FHL5: variants seen among roughly 807,000 people sequenced by gnomAD.
The protein encoded by FHL5 is four and a half LIM domains 5, also known as four and a half LIM domains protein 5.
In FHL5, 33 loss-of-function variants were observed where a neutral mutation model predicts 32.0. The ratio of observed to expected loss-of-function variants is 1.03; its 90% CI spans 0.78 to 1.38. The LOEUF (loss-of-function observed/expected upper bound fraction) is 1.38, where lower values mean the gene tolerates loss of function less well. Ranked by LOEUF, FHL5 falls within the 40% of genes most tolerant of loss-of-function variation. The pLI is 0.00. For synonymous variants in FHL5, 114 were observed against 113.6 expected, an observed-to-expected ratio of 1.00 and a Z score of -0.02; for missense variants, 336 against 343.9, an observed-to-expected ratio of 0.98 and a Z score of 0.18.
chr6:96,581,138 T>C (rs1296819852), intron 1 of FHL5, among the ~76,000 whole-genome samples: 1 of 152,160 alleles, frequency 6.6e-6, no homozygotes, highest in Non-Finnish European at 1.5e-5. Flanking sequence ...AGAGTTCCTC[T>C]AAATTCCTGG....
intron 5 of FHL5, among the ~76,000 whole-genome samples, chr6:96,614,343 ATAAT>A (rs1183866430): frequency 1.3e-5 from 2 of 152,226 alleles, no homozygotes; most frequent in East Asian, 1.9e-4. Flanking sequence ...TAAGTAGTAC[ATAAT>A]TAATTTACAT....
At chr6:96,567,685 AT>A (rs1356371034) in intron 1 of FHL5, among the ~76,000 whole-genome samples, 1 of 151,456 alleles carries the variant, frequency 6.6e-6, no homozygotes, top group African/African-American at 2.4e-5. Flanking sequence ...TGCAGTTTTT[AT>A]TGTAGAGATC....
intron 1 of FHL5, among the ~76,000 whole-genome samples, chr6:96,565,266 T>C (rs987081314): frequency 6.6e-6 from 1 of 151,060 alleles, no homozygotes; most frequent in African/African-American, 2.5e-5. Context: ...TTACATTCAT[T>C]AAATAAATAA....
At chr6:96,579,420 G>C (rs569775690) in intron 1 of FHL5, among the ~76,000 whole-genome samples, 1 of 152,174 alleles carries the variant, frequency 6.6e-6, no homozygotes, top group East Asian at 1.9e-4. Flanking sequence ...TATACATTGT[G>C]TCAATAATGT....
intron 1 of FHL5, among the ~76,000 whole-genome samples, chr6:96,591,894 A>G (rs1407275252): frequency 1.3e-5 from 2 of 152,142 alleles, no homozygotes; most frequent in Non-Finnish European, 2.9e-5. Context: ...CCTGAGCTGT[A>G]AAACCAGCAA....
intron 1 of FHL5, among the ~76,000 whole-genome samples, chr6:96,578,751 A>G (rs1334630718): frequency 1.3e-5 from 2 of 152,186 alleles, no homozygotes; most frequent in Admixed American, 1.3e-4. Context: ...CTGAGACACA[A>G]GAATCGCTTG....
At chr6:96,586,908 C>G (rs1296900459) in intron 1 of FHL5, among the ~76,000 whole-genome samples, 3 of 152,144 alleles carry the variant, frequency 2.0e-5, no homozygotes, top group Non-Finnish European at 4.4e-5. Flanking sequence ...AGATCAAGAT[C>G]TTGAAGCATT....
Position 96,605,909 on chromosome 6 carries a change from C to T in FHL5, c.342C>T (p.Arg114=). ...CTTACTTTTGGAGTACAGGTTCCCG[C>T]AAAATGGAATTTAAGGGAAACTACT... ...HCKRTIMPGS[R]KMEFKGNYWH... The change falls in exon 4 of 6, where the codon CGC becomes CGT. Residue 114 remains arginine, a synonymous_variant. Coordinates refer to ENST00000450218, the MANE Select transcript of FHL5 (RefSeq NM_001322466.2). 3 of 1,613,802 alleles carry T rather than the reference C, an allele frequency of 1.9e-6. No individual in the cohort carries two copies. The highest frequency in any genetic ancestry group is 2.5e-6 in the Non-Finnish European group (3 of 1,179,886).
intron 2 of FHL5, 82 bp from the exon 3 acceptor site, chr6:96,604,668 C>T: frequency 2.7e-6 from 3 of 1,093,316 alleles, no homozygotes; most frequent in Non-Finnish European, 2.6e-6. Context: ...CATGAGAGTC[C>T]CAGGAGTGTT....
chr6:96,591,638 C>CT (rs1163074185), intron 1 of FHL5, among the ~76,000 whole-genome samples: 1 of 151,728 alleles, frequency 6.6e-6, no homozygotes, highest in Non-Finnish European at 1.5e-5. Flanking sequence ...GTCTAGCTTC[C>CT]TTTTTTTTCT....
At chr6:96,570,657 CTT>C (rs555980641) in intron 1 of FHL5, among the ~76,000 whole-genome samples, 71 of 152,224 alleles carry the variant, frequency 4.7e-4, no homozygotes, top group African/African-American at 1.6e-3. Flanking sequence ...TCCAATAAGT[CTT>C]ATAGGAATTC....
chr6:96,577,958 A>T (rs1265032199), intron 1 of FHL5, among the ~76,000 whole-genome samples: 2 of 151,468 alleles, frequency 1.3e-5, no homozygotes, highest in Admixed American at 6.6e-5. Flanking sequence ...AAAAAAAAAA[A>T]GTCAGTTCGC....
At chr6:96,580,067 G>A (rs116675428) in intron 1 of FHL5, among the ~76,000 whole-genome samples, 1,770 of 152,286 alleles carry the variant, frequency 0.012, 33 homozygotes, top group African/African-American at 0.034. Flanking sequence ...AAAAGAAACC[G>A]AATATATCTG....
At chr6:96,609,107 CT>C (rs1180821798) in intron 4 of FHL5, among the ~76,000 whole-genome samples, 9 of 152,064 alleles carry the variant, frequency 5.9e-5, no homozygotes, top group Admixed American at 3.3e-4. Flanking sequence ...TTTTTTCCCT[CT>C]AGGAAAATAT....
intron 1 of FHL5, among the ~76,000 whole-genome samples, chr6:96,598,690 C>A (rs1771085314): frequency 6.6e-6 from 1 of 152,058 alleles, no homozygotes; most frequent in African/African-American, 2.4e-5. Context: ...TAATGTGTAC[C>A]CAATGTTTAG....
intron 1 of FHL5, among the ~76,000 whole-genome samples, chr6:96,567,971 C>T (rs192023416): frequency 1.3e-5 from 2 of 151,436 alleles, no homozygotes; most frequent in African/African-American, 4.8e-5. Flanking sequence ...AATTTAGATG[C>T]TCCTTATCTC....
At chr6:96,584,457 G>A (rs887937265) in intron 1 of FHL5, among the ~76,000 whole-genome samples, 3 of 144,856 alleles carry the variant, frequency 2.1e-5, no homozygotes, top group African/African-American at 8.3e-5. Context: ...GTGTGTGTGT[G>A]TGTTTGTGTG....
intron 4 of FHL5, among the ~76,000 whole-genome samples, chr6:96,607,850 A>C (rs1243803989): frequency 6.6e-6 from 1 of 151,838 alleles, no homozygotes; most frequent in Admixed American, 6.6e-5. Flanking sequence ...AAATTAGCCA[A>C]GTATGGTGAC....
At chr6:96,573,684 GCTAA>G (rs1770529252) in intron 1 of FHL5, among the ~76,000 whole-genome samples, 1 of 151,564 alleles carries the variant, frequency 6.6e-6, no homozygotes, top group Non-Finnish European at 1.5e-5. Flanking sequence ...AACACGCCCA[GCTAA>G]CTTTTTGTAT....
Sources: gnomAD v4.1 joint callset for allele counts (sites outside exome capture counted in the v4.1 genomes callset) on GRCh38, gnomAD v4.1.1 for gene constraint, MANE v1.5 for transcripts, NCBI Gene and HGNC (gene_info 2026-07-23, HGNC 2026-07-21) for gene names.